Variants in ARHGAP6 observed in about 807,000 individuals in gnomAD.
ARHGAP6 encodes Rho GTPase activating protein 6, also known as rho GTPase-activating protein 6.
Under a neutral mutation model 55.7 loss-of-function variants are expected in ARHGAP6, and 16 were observed. The ratio of observed to expected loss-of-function variants is 0.29; its 90% confidence interval spans 0.19 to 0.44. The LOEUF is 0.44. ARHGAP6 is among the 20% of genes least tolerant of loss of function. The pLI is 1.00. For synonymous variants in ARHGAP6, 382 were observed against 360.9 expected (o/e 1.06, Z -0.66); for missense variants, 698 against 808.9 (o/e 0.86, Z 1.66).
intron 1 of ARHGAP6, among the ~76,000 whole-genome samples, chrX:11,616,194 T>A (rs2052161885): frequency 9.0e-6 from 1 of 111,436 alleles, no homozygotes; most frequent in African/African-American, 3.3e-5. Context: ...CCTTCCCAAG[T>A]GACTGATTCC....
intron 1 of ARHGAP6, among the ~76,000 whole-genome samples, chrX:11,371,031 T>C (rs2049137755): frequency 1.8e-5 from 2 of 112,366 alleles, no homozygotes; most frequent in Non-Finnish European, 3.8e-5. Flanking sequence ...CACTGAGCAC[T>C]GATAGGTCTC....
chrX:11,316,270 T>C (rs1460895358), intron 1 of ARHGAP6, among the ~76,000 whole-genome samples: 1 of 111,822 alleles, frequency 8.9e-6, no homozygotes, highest in Non-Finnish European at 1.9e-5. Flanking sequence ...CTTGGGAAAA[T>C]CCAGATTGTC....
intron 1 of ARHGAP6, among the ~76,000 whole-genome samples, chrX:11,449,384 G>C (rs1163492228): frequency 1.8e-5 from 2 of 112,058 alleles, no homozygotes; most frequent in Non-Finnish European, 3.8e-5. Flanking sequence ...GCCATTGTGT[G>C]TTGTTTGGGA....
chrX:11,596,027 A>T (rs2051897864), intron 1 of ARHGAP6, among the ~76,000 whole-genome samples: 1 of 112,188 alleles, frequency 8.9e-6, no homozygotes, highest in Non-Finnish European at 1.9e-5. Context: ...TTCCTCAAGG[A>T]TCTAGAACTA....
chrX:11,378,357 T>C (rs186864250), intron 1 of ARHGAP6, among the ~76,000 whole-genome samples: 57 of 112,829 alleles, frequency 5.1e-4, no homozygotes, highest in African/African-American at 1.8e-3. Flanking sequence ...CCCAATAAGA[T>C]CCTTCATGGA....
At chrX:11,360,117 A>G (rs1569314351) in intron 1 of ARHGAP6, among the ~76,000 whole-genome samples, 1 of 111,911 alleles carries the variant, frequency 8.9e-6, no homozygotes, top group African/African-American at 3.3e-5. Context: ...AACTATTCCA[A>G]TCAATACAAA....
chrX:11,277,170 T>C (rs973908171), intron 1 of ARHGAP6, among the ~76,000 whole-genome samples: 2 of 111,976 alleles, frequency 1.8e-5, no homozygotes, highest in African/African-American at 6.5e-5. Flanking sequence ...TCACTTAGCA[T>C]GTTTTTGGAG....
intron 1 of ARHGAP6, among the ~76,000 whole-genome samples, chrX:11,278,947 G>A (rs1289850256): frequency 9.0e-6 from 1 of 111,146 alleles, no homozygotes; most frequent in East Asian, 2.8e-4. Flanking sequence ...AGAACCTGAG[G>A]CACAATGGGA....
At chrX:11,220,468 G>C (rs1480900433) in intron 2 of ARHGAP6, among the ~76,000 whole-genome samples, 1 of 110,877 alleles carries the variant, frequency 9.0e-6, no homozygotes, top group East Asian at 2.8e-4. Flanking sequence ...AGAGAGTGGG[G>C]GCCAATATTC....
intron 1 of ARHGAP6, among the ~76,000 whole-genome samples, chrX:11,462,421 T>A (rs780748655): frequency 2.9e-4 from 32 of 112,242 alleles, no homozygotes; most frequent in Non-Finnish European, 5.1e-4. Context: ...ACCTTTGCAT[T>A]GTTTGTACAG....
At chrX:11,649,215 G>T (rs752287868) in intron 1 of ARHGAP6, among the ~76,000 whole-genome samples, 1 of 111,495 alleles carries the variant, frequency 9.0e-6, no homozygotes, top group African/African-American at 3.3e-5. Flanking sequence ...CCACATGGAG[G>T]ATCACTGAGG....
At chrX:11,378,166 C>T (rs772459615) in intron 1 of ARHGAP6, among the ~76,000 whole-genome samples, 3 of 112,381 alleles carry the variant, frequency 2.7e-5, no homozygotes, top group Non-Finnish European at 3.8e-5. Context: ...CAGCCCCCTC[C>T]AGGGACTATG....
At chrX:11,144,343 A>G in intron 10 of ARHGAP6, 95 bp from the exon 11 acceptor site, 1 of 1,104,072 alleles carries the variant, frequency 9.1e-7, no homozygotes, top group Non-Finnish European at 1.2e-6. Context: ...CTGGAGGAGT[A>G]TGCGTGGACA....
At chrX:11,251,689 GTATT>G (rs1339354297) in intron 2 of ARHGAP6, among the ~76,000 whole-genome samples, 1 of 111,920 alleles carries the variant, frequency 8.9e-6, no homozygotes. Context: ...CCTGGCTACA[GTATT>G]TATTTTCCTG....
At chrX:11,623,598 G>A (rs1336808929) in intron 1 of ARHGAP6, among the ~76,000 whole-genome samples, 4 of 107,431 alleles carry the variant, frequency 3.7e-5, no homozygotes, top group Non-Finnish European at 5.8e-5. Flanking sequence ...TCAGGAGGCT[G>A]AGGCAGGAGA....
At chrX:11,185,142 C>CTGTGTGTGTGTG (rs3990773) in intron 5 of ARHGAP6, among the ~76,000 whole-genome samples, 9 of 95,965 alleles carry the variant, frequency 9.4e-5, no homozygotes, top group African/African-American at 3.0e-4. Flanking sequence ...TGGTGCATGA[C>CTGTGTGTGTGTG]TGTGTGTGTG....
intron 12 of ARHGAP6, among the ~76,000 whole-genome samples, chrX:11,141,262 A>T (rs1031817464): frequency 2.7e-5 from 3 of 112,287 alleles, no homozygotes; most frequent in Admixed American, 9.4e-5. Flanking sequence ...ATGAAATGAC[A>T]TTAAAAAGAA....
intron 1 of ARHGAP6, chrX:11,290,413 G>T: frequency 2.6e-6 from 1 of 377,645 alleles, no homozygotes; most frequent in Non-Finnish European, 5.3e-6. Context: ...TGGGGTCAAA[G>T]TTACGATGTG....
intron 8 of ARHGAP6, among the ~76,000 whole-genome samples, chrX:11,170,966 ACT>A (rs1424689007): frequency 5.4e-5 from 6 of 110,141 alleles, no homozygotes; most frequent in Admixed American, 2.9e-4. Flanking sequence ...TCCAGAATGG[ACT>A]CTCTGATGGT....
Sources: allele counts gnomAD v4.1 joint callset (sites outside exome capture counted in the v4.1 genomes callset), GRCh38; gene constraint gnomAD v4.1.1; transcripts MANE v1.5; gene names NCBI Gene and HGNC (gene_info 2026-07-23, HGNC 2026-07-21).